KIAA1217: variants seen among roughly 807,000 people sequenced by gnomAD.
KIAA1217 encodes sickle tail protein homolog.
In KIAA1217, 88 loss-of-function variants were observed where a neutral mutation model predicts 163.9. That is an observed-to-expected ratio of 0.54 (90% CI 0.45 to 0.64). The LOEUF is 0.64. KIAA1217 is among the 30% of genes least tolerant of loss of function. The pLI, the probability that KIAA1217 is intolerant of heterozygous loss-of-function variation, is 0.00. For missense variants in KIAA1217, 2,372 were observed against 2,475.0 expected (o/e 0.96, Z 0.88); for synonymous variants, 903 against 923.1 (o/e 0.98, Z 0.39).
chr10:24,236,922 G>C (rs992606256), intron 2 of KIAA1217, among the ~76,000 whole-genome samples: 5 of 152,140 alleles, frequency 3.3e-5, no homozygotes, highest in African/African-American at 1.2e-4. Flanking sequence ...AAAGTGCTAG[G>C]ATTACAGGCA....
intron 1 of KIAA1217, among the ~76,000 whole-genome samples, chr10:23,827,974 T>C (rs7082143): frequency 9.7e-4 from 147 of 152,298 alleles, no homozygotes; most frequent in Admixed American, 8.0e-3. Flanking sequence ...AGATGACCTG[T>C]GAAGTCACAG....
At chr10:24,420,666 G>A (rs1476247165) in intron 3 of KIAA1217, among the ~76,000 whole-genome samples, 2 of 152,162 alleles carry the variant, frequency 1.3e-5, no homozygotes, top group African/African-American at 2.4e-5. Flanking sequence ...CTTCTCACAT[G>A]TATGTCTTTG....
chr10:24,437,813 A>T (rs886571987), intron 4 of KIAA1217, among the ~76,000 whole-genome samples: 2 of 147,846 alleles, frequency 1.4e-5, no homozygotes, highest in Non-Finnish European at 3.0e-5. Context: ...GAAAAAAGGC[A>T]TGGTAAAGAT....
intron 1 of KIAA1217, among the ~76,000 whole-genome samples, chr10:23,974,566 A>G (rs897720067): frequency 1.3e-5 from 2 of 152,056 alleles, no homozygotes; most frequent in South Asian, 4.2e-4. Context: ...GGAGGCCGAG[A>G]TGGGAGGATC....
chr10:23,888,940 C>A lies in KIAA1217; in HGVS notation c.-320-118285C>A, dbSNP rs147810575. On this transcript the variant is annotated intron_variant, in intron 1 of 18. Coordinates refer to the KIAA1217 transcript ENST00000376462. ...TTTTAGAGCATTATACAATTGGAAT[C>A]ATTCAAGACATATTGGTGTGTCTGT... Among the ~76,000 whole-genome samples the A allele has an allele frequency of 7.6e-3, 1,155 of 151,958 alleles. 6 individuals carry two copies. Among genetic ancestry groups the A allele is most frequent in the Non-Finnish European group, 0.011 (742 of 67,860 alleles).
intron 2 of KIAA1217, among the ~76,000 whole-genome samples, chr10:24,115,870 TG>T (rs1001356347): frequency 8.5e-5 from 13 of 152,146 alleles, no homozygotes; most frequent in African/African-American, 3.1e-4. Flanking sequence ...CATCTTTCCA[TG>T]GGGGCACTAG....
At chr10:24,129,312 C>A (rs1359073311) in intron 2 of KIAA1217, among the ~76,000 whole-genome samples, 1 of 152,080 alleles carries the variant, frequency 6.6e-6, no homozygotes, top group African/African-American at 2.4e-5. Context: ...TCAAGGGCAT[C>A]AGAGAAATAA....
chr10:23,838,678 T>A (rs1588919924), intron 1 of KIAA1217, among the ~76,000 whole-genome samples: 1 of 152,190 alleles, frequency 6.6e-6, no homozygotes, highest in Middle Eastern at 3.4e-3. Context: ...CCAGGCTGGT[T>A]TCGAACTCCT....
intron 2 of KIAA1217, among the ~76,000 whole-genome samples, chr10:24,180,479 G>T (rs112479857): frequency 6.6e-6 from 1 of 151,738 alleles, no homozygotes; most frequent in South Asian, 2.1e-4. Context: ...TAGAGATGTG[G>T]TTTCACCATG....
At chr10:23,735,589 T>C (rs916552685) in intron 1 of KIAA1217, among the ~76,000 whole-genome samples, 8 of 152,256 alleles carry the variant, frequency 5.3e-5, no homozygotes, top group Admixed American at 4.6e-4. Flanking sequence ...GGGTCCCTTA[T>C]CTGTGAAATG....
At chr10:23,824,656 A>ATATATAT (rs1564453885) in intron 1 of KIAA1217, among the ~76,000 whole-genome samples, 11 of 82,314 alleles carry the variant, frequency 1.3e-4, no homozygotes, top group South Asian at 3.9e-4. Flanking sequence ...AAAAATAAAA[A>ATATATAT]AAATATATAT....
chr10:23,808,272 A>G (rs1836837348), intron 1 of KIAA1217, among the ~76,000 whole-genome samples: 1 of 152,242 alleles, frequency 6.6e-6, no homozygotes, highest in South Asian at 2.1e-4. Flanking sequence ...AAGTCACACT[A>G]AAACAAGTAC....
chr10:23,853,617 G>A (rs1007559747), intron 1 of KIAA1217, among the ~76,000 whole-genome samples: 10 of 152,144 alleles, frequency 6.6e-5, no homozygotes, highest in African/African-American at 2.4e-4. Flanking sequence ...ACCTCTGGTA[G>A]AATTCGCGTG....
intron 3 of KIAA1217, among the ~76,000 whole-genome samples, chr10:24,421,335 T>A (rs748670749): frequency 6.6e-6 from 1 of 152,152 alleles, no homozygotes; most frequent in Admixed American, 6.6e-5. Context: ...TAAACTGTAT[T>A]CTCTATTTTT....
intron 2 of KIAA1217, among the ~76,000 whole-genome samples, chr10:24,037,074 G>C (rs1848425250): frequency 6.6e-6 from 1 of 152,166 alleles, no homozygotes; most frequent in Non-Finnish European, 1.5e-5. Context: ...TTGTTACAAA[G>C]TCTTAAGTAA....
chr10:24,534,116 A>C (rs1271862038), intron 16 of KIAA1217, among the ~76,000 whole-genome samples: 1 of 152,148 alleles, frequency 6.6e-6, no homozygotes, highest in Admixed American at 6.5e-5. Context: ...CCAACCCATA[A>C]ATTTTCCTCT....
In KIAA1217 at chr10:24,533,245, G is replaced by A; in HGVS notation, c.3414+8G>A. On this transcript the variant is annotated splice_region_variant and intron_variant, in intron 16 of 20. Transcript: ENST00000376454. ...ATAATGGCAGAACTCCAGGTATGTGGATGAGGTGACTGACATTGGCTCCTT... is the reference window on the plus strand; with the variant it reads ...ATAATGGCAGAACTCCAGGTATGTGAATGAGGTGACTGACATTGGCTCCTT... 6.2e-6 allele frequency: 10 copies of A among 1,600,436 alleles called. No individual in the cohort carries two copies. Among genetic ancestry groups the A allele is most frequent in the South Asian group, 1.1e-5 (1 of 89,366 alleles).
chr10:24,343,132 T>A (rs1410439492), intron 2 of KIAA1217, among the ~76,000 whole-genome samples: 2 of 152,014 alleles, frequency 1.3e-5, no homozygotes, highest in Non-Finnish European at 2.9e-5. Flanking sequence ...CTGGATGGTC[T>A]GTTCATATAT....
chr10:24,066,648 T>C (rs1295872565), intron 2 of KIAA1217, among the ~76,000 whole-genome samples: 1 of 152,216 alleles, frequency 6.6e-6, no homozygotes, highest in Non-Finnish European at 1.5e-5. Flanking sequence ...GAGGAGTATC[T>C]TTGTGGCATT....
Sources: gnomAD v4.1 joint callset for allele counts (sites outside exome capture counted in the v4.1 genomes callset) on GRCh38, gnomAD v4.1.1 for gene constraint, MANE v1.5 for transcripts, NCBI Gene and HGNC (gene_info 2026-07-23, HGNC 2026-07-21) for gene names.